The following TMEM132C variants were observed in gnomAD, a reference collection of about 807,000 sequenced individuals.
The protein encoded by TMEM132C is protein phosphatase 1, regulatory subunit 152.
TMEM132C carries 29 observed loss-of-function variants against 61.4 expected under a neutral mutation model. The observed-to-expected ratio is 0.47, with a 90% CI of 0.35 to 0.64. TMEM132C has a LOEUF of 0.64. Ranked by LOEUF, TMEM132C falls within the 30% of genes least tolerant of loss-of-function variation. TMEM132C has a pLI of 0.00. For synonymous variants in TMEM132C, 656 were observed against 633.1 expected (o/e 1.04, Z -0.54); for missense variants, 1,408 against 1,476.9 (o/e 0.95, Z 0.76).
intron 4 of TMEM132C, among the ~76,000 whole-genome samples, chr12:128,638,887 G>GTGA (rs1565998994): frequency 1.4e-5 from 1 of 69,840 alleles, no homozygotes; most frequent in Non-Finnish European, 3.5e-5. Flanking sequence ...GGTGATGATG[G>GTGA]TGGTGGTGAT....
intron 2 of TMEM132C, among the ~76,000 whole-genome samples, chr12:128,494,658 A>C (rs1193161545): frequency 1.3e-5 from 2 of 152,060 alleles, no homozygotes; most frequent in Non-Finnish European, 1.5e-5. Flanking sequence ...ATATTCTCTG[A>C]TGGTAGTTTG....
At chr12:128,480,646 T>C (rs1871289260) in intron 2 of TMEM132C, among the ~76,000 whole-genome samples, 1 of 151,858 alleles carries the variant, frequency 6.6e-6, no homozygotes, top group Non-Finnish European at 1.5e-5. Flanking sequence ...GCGTCAGAGC[T>C]GAATTTTGGG....
intron 1 of TMEM132C, among the ~76,000 whole-genome samples, chr12:128,289,598 A>G (rs1871193751): frequency 1.3e-5 from 2 of 152,230 alleles, no homozygotes; most frequent in African/African-American, 4.8e-5. Context: ...AAGTAGGCCC[A>G]AGAGGTGTAT....
At chr12:128,456,571 T>C (rs1176520821) in intron 2 of TMEM132C, among the ~76,000 whole-genome samples, 3 of 151,654 alleles carry the variant, frequency 2.0e-5, no homozygotes, top group Non-Finnish European at 4.4e-5. Context: ...CGTGCCCGGC[T>C]AATTTTTTGT....
At chr12:128,582,986 A>T (rs1875401584) in intron 3 of TMEM132C, among the ~76,000 whole-genome samples, 1 of 152,220 alleles carries the variant, frequency 6.6e-6, no homozygotes, top group Admixed American at 6.5e-5. Context: ...CATTCAATTC[A>T]TAAATGTTTA....
At chr12:128,701,227 C>A (rs1220397098) in intron 8 of TMEM132C, among the ~76,000 whole-genome samples, 2 of 146,488 alleles carry the variant, frequency 1.4e-5, no homozygotes, top group Non-Finnish European at 3.0e-5. Flanking sequence ...CAGAGAGTGA[C>A]CTTGGGCAAA....
chr12:128,378,451 A>G (rs1323563909), intron 1 of TMEM132C, among the ~76,000 whole-genome samples: 5 of 152,042 alleles, frequency 3.3e-5, no homozygotes, highest in Admixed American at 3.3e-4. Context: ...AAGTACCTCT[A>G]TTCATTTGCA....
chr12:128,673,067 G>A (rs1452268838), intron 5 of TMEM132C, among the ~76,000 whole-genome samples: 2 of 152,176 alleles, frequency 1.3e-5, no homozygotes, highest in East Asian at 1.9e-4. Context: ...GTAGTGGATC[G>A]GGTTTCAGGA....
chr12:128,597,345 G>A (rs112356230), intron 3 of TMEM132C, among the ~76,000 whole-genome samples: 131 of 152,200 alleles, frequency 8.6e-4, no homozygotes, highest in Non-Finnish European at 1.4e-3. Context: ...GGGTATGGTG[G>A]CACACACCAG....
At chr12:128,323,079 GACAA>G (rs1565900971) in intron 1 of TMEM132C, among the ~76,000 whole-genome samples, 1 of 152,318 alleles carries the variant, frequency 6.6e-6, no homozygotes, top group African/African-American at 2.4e-5. Context: ...GAATTAAACA[GACAA>G]ACAAGCAAAC....
At chr12:128,592,649 T>C (rs763095966) in intron 3 of TMEM132C, among the ~76,000 whole-genome samples, 1 of 152,244 alleles carries the variant, frequency 6.6e-6, no homozygotes, top group Non-Finnish European at 1.5e-5. Flanking sequence ...GGAAACTTGC[T>C]GAGGCTGAGG....
At chr12:128,495,009 G>A (rs9705430) in intron 2 of TMEM132C, among the ~76,000 whole-genome samples, 19,508 of 127,562 alleles carry the variant, frequency 0.15, 3,664 homozygotes, top group Non-Finnish European at 0.21. Flanking sequence ...TCTACACACT[G>A]CTTTGAATGT....
At chr12:128,587,540 C>T (rs561860079) in intron 3 of TMEM132C, among the ~76,000 whole-genome samples, 59 of 152,352 alleles carry the variant, frequency 3.9e-4, no homozygotes, top group African/African-American at 1.4e-3. Flanking sequence ...AGTGAAGGCA[C>T]AAACATTCAG....
intron 3 of TMEM132C, among the ~76,000 whole-genome samples, chr12:128,578,985 T>C (rs1875231842): frequency 6.6e-6 from 1 of 151,436 alleles, no homozygotes. Context: ...ACTAGGGGAG[T>C]TTTATTTTTA....
At chr12:128,377,722 G>A (rs1019429695) in intron 1 of TMEM132C, among the ~76,000 whole-genome samples, 2 of 152,142 alleles carry the variant, frequency 1.3e-5, no homozygotes, top group Non-Finnish European at 2.9e-5. Flanking sequence ...AACCATCCCC[G>A]TCCTCTCCGC....
At chr12:128,600,207 C>A (rs11059786) in intron 3 of TMEM132C, among the ~76,000 whole-genome samples, 43,506 of 151,818 alleles carry the variant, frequency 0.29, 7,446 homozygotes, top group Middle Eastern at 0.43. Context: ...TGGTCTAGAT[C>A]TCCTGACCTT....
chr12:128,468,903 CGTCATG>C (rs1763429958), intron 2 of TMEM132C, among the ~76,000 whole-genome samples: 2 of 152,126 alleles, frequency 1.3e-5, no homozygotes, highest in Non-Finnish European at 2.9e-5. Context: ...ACAGTATATG[CGTCATG>C]GTTCTAACAA....
chr12:128,308,796 A>G lies in TMEM132C; in HGVS notation c.85+41309A>G, dbSNP rs527652346. 4.6e-5 allele frequency among the ~76,000 whole-genome samples: 7 copies of G among 152,346 alleles called. No homozygotes were observed. The South Asian group carries it at 1.5e-3, about 32-fold the overall frequency. On this transcript the variant is annotated intron_variant, in intron 1 of 8. Transcript: ENST00000435159. Reference sequence around the variant, plus strand: ...TTGCTCTGCTGGTCAGCTCCACAGCAGGAGACGTGAGAAATCTTCTGGTCC... The same window carrying G: ...TTGCTCTGCTGGTCAGCTCCACAGCGGGAGACGTGAGAAATCTTCTGGTCC...
intron 3 of TMEM132C, among the ~76,000 whole-genome samples, chr12:128,571,750 T>C (rs760686391): frequency 2.2e-4 from 33 of 152,244 alleles, no homozygotes; most frequent in Non-Finnish European, 2.9e-5. Context: ...AGAATCCAGT[T>C]AGGCACGGTT....
Sources: gnomAD v4.1 joint callset for allele counts (sites outside exome capture counted in the v4.1 genomes callset) on GRCh38, gnomAD v4.1.1 for gene constraint, MANE v1.5 for transcripts, NCBI Gene and HGNC (gene_info 2026-07-23, HGNC 2026-07-21) for gene names.